The following CFAP47 variants were observed in gnomAD, a reference collection of about 807,000 sequenced individuals.
CFAP47 encodes cilia and flagella associated protein 47.
Under a neutral mutation model 148.1 loss-of-function variants are expected in CFAP47, and 29 were observed. The observed-to-expected ratio is 0.20, with a 90% CI of 0.15 to 0.27. The LOEUF is 0.27. Among genes scored for constraint, CFAP47 ranks in the 10% least tolerant of loss-of-function variants. The probability of loss-of-function intolerance (pLI) is 1.00; values close to 1 mark genes in which losing one functional copy is unlikely to be tolerated. For missense variants in CFAP47, 1,872 were observed against 1,697.5 expected (o/e 1.10, Z -1.81); for synonymous variants, 664 against 577.3 (o/e 1.15, Z -2.15).
intron 42 of CFAP47, among the ~76,000 whole-genome samples, chrX:36,194,906 G>T (rs782634848): frequency 4.5e-5 from 5 of 112,346 alleles, no homozygotes; most frequent in African/African-American, 1.6e-4. Context: ...AGGCAAACTT[G>T]CATAGGGCTG....
intron 27 of CFAP47, among the ~76,000 whole-genome samples, chrX:36,066,838 C>T (rs1469720284): frequency 9.0e-6 from 1 of 111,536 alleles, no homozygotes; most frequent in African/African-American, 3.3e-5. Flanking sequence ...CCAAATCTAA[C>T]AGTAAAATAA....
rs145916600 is a variant in CFAP47, at chrX:36,088,714, C to T, written c.4916+3176C>T. ...CTTATCCTGTGGTATTTTCTTATGG[C>T]AGCTTGAGCTTACCAATATCATATC... On this transcript the variant is annotated intron_variant, in intron 30 of 63. Coordinates refer to ENST00000378653, the MANE Select transcript of CFAP47 (RefSeq NM_001304548.2). Among the ~76,000 whole-genome samples, 126 of 111,625 alleles carry T rather than the reference C, an allele frequency of 1.1e-3. No homozygotes were observed. The East Asian group carries it at 0.019, about 17-fold the overall frequency.
At chrX:35,967,956 T>A (rs1393005205) in intron 10 of CFAP47, 124 bp downstream of exon 10, 1 of 286,341 alleles carries the variant, frequency 3.5e-6, no homozygotes, top group East Asian at 5.6e-5. Context: ...ATAATAATAA[T>A]AATAAAACTG....
chrX:36,068,018 T>C (rs1365725227), intron 27 of CFAP47, among the ~76,000 whole-genome samples: 2 of 111,874 alleles, frequency 1.8e-5, no homozygotes, highest in African/African-American at 6.5e-5. Flanking sequence ...TTCCATAGAA[T>C]ATCATTGCTA....
chrX:36,111,790 A>G (rs1198334840), intron 33 of CFAP47, among the ~76,000 whole-genome samples: 1 of 111,159 alleles, frequency 9.0e-6, no homozygotes, highest in African/African-American at 3.3e-5. Context: ...TTTGGAGCTC[A>G]TTATCGGTTT....
intron 62 of CFAP47, among the ~76,000 whole-genome samples, chrX:36,368,938 T>C (rs1271573899): frequency 2.7e-5 from 3 of 111,509 alleles, no homozygotes; most frequent in African/African-American, 6.5e-5. Flanking sequence ...TCTCCTATGT[T>C]TTAAAACCCA....
intron 57 of CFAP47, among the ~76,000 whole-genome samples, chrX:36,319,640 T>C: frequency 9.0e-6 from 1 of 110,819 alleles, no homozygotes; most frequent in Admixed American, 9.7e-5. Flanking sequence ...AAATAGTGTG[T>C]TAAAACTACT....
chrX:35,944,892 G>A (rs890213065), intron 3 of CFAP47, among the ~76,000 whole-genome samples: 1 of 112,108 alleles, frequency 8.9e-6, no homozygotes, highest in Non-Finnish European at 1.9e-5. Context: ...TTATCAGTGG[G>A]CAAGTCTATA....
intron 45 of CFAP47, among the ~76,000 whole-genome samples, chrX:36,221,094 A>G (rs1940208467): frequency 8.9e-6 from 1 of 111,956 alleles, no homozygotes; most frequent in Admixed American, 9.5e-5. Context: ...TTGGTGAAGG[A>G]AATTGAATTC....
chrX:36,094,799 T>C (rs771142843), intron 30 of CFAP47, among the ~76,000 whole-genome samples: 13 of 111,486 alleles, frequency 1.2e-4, no homozygotes, highest in Admixed American at 3.8e-4. Flanking sequence ...TTTTTCTAAA[T>C]ATGAGATCAT....
chrX:36,060,802 A>G (rs1324682862), intron 26 of CFAP47, among the ~76,000 whole-genome samples: 3 of 111,700 alleles, frequency 2.7e-5, no homozygotes, highest in Non-Finnish European at 5.6e-5. Context: ...GATGGGCTAC[A>G]GCTAACATAT....
intron 3 of CFAP47, among the ~76,000 whole-genome samples, chrX:35,944,580 A>G (rs1414514618): frequency 9.0e-6 from 1 of 111,687 alleles, no homozygotes; most frequent in African/African-American, 3.3e-5. Flanking sequence ...CATAAGAAAT[A>G]GCAATAGCCT....
intron 49 of CFAP47, among the ~76,000 whole-genome samples, chrX:36,254,996 G>A (rs1940733149): frequency 9.0e-6 from 1 of 111,660 alleles, no homozygotes; most frequent in Non-Finnish European, 1.9e-5. Flanking sequence ...ATGTTTGTTG[G>A]TAGAAAGAAA....
chrX:36,078,151 A>G (rs1305298365), intron 29 of CFAP47, among the ~76,000 whole-genome samples: 3 of 112,198 alleles, frequency 2.7e-5, no homozygotes, highest in African/African-American at 9.7e-5. Context: ...AATAAGTGCA[A>G]TGGGGTGCTG....
chrX:36,208,611 A>G (rs1364077910), intron 45 of CFAP47, among the ~76,000 whole-genome samples: 1 of 111,919 alleles, frequency 8.9e-6, no homozygotes, highest in African/African-American at 3.2e-5. Flanking sequence ...TAGCTAAATT[A>G]CTCTTCAGCC....
At chrX:36,070,319 T>A (rs1271768283) in intron 27 of CFAP47, among the ~76,000 whole-genome samples, 2 of 110,717 alleles carry the variant, frequency 1.8e-5, no homozygotes, top group Admixed American at 1.9e-4. Flanking sequence ...GAAGTAGGCA[T>A]GCCAAGTTTT....
intron 40 of CFAP47, among the ~76,000 whole-genome samples, chrX:36,182,698 T>A (rs1939763752): frequency 9.0e-6 from 1 of 111,153 alleles, no homozygotes; most frequent in Non-Finnish European, 1.9e-5. Context: ...ATTGTCTCAA[T>A]AAAATCCTAG....
In CFAP47 at chrX:36,194,521, G is replaced by A. The variant is rs181742079; in HGVS notation, c.6321+4325G>A. 8.1e-4 allele frequency among the ~76,000 whole-genome samples: 91 copies of A among 111,747 alleles called. 2 individuals are homozygous for A. The East Asian group carries it at 0.018, about 22-fold the overall frequency. On this transcript the variant is annotated intron_variant, in intron 42 of 63. Transcript: ENST00000378653. ...TCACACTACTATAAAGAACTACCTG[G>A]ACTGGGTCATGTGTAATGAATGGAG... is the stretch of plus-strand genomic sequence containing the variant.
chrX:36,072,162 A>C (rs953670907), intron 28 of CFAP47, among the ~76,000 whole-genome samples, 191 bp downstream of exon 28: 1 of 112,122 alleles, frequency 8.9e-6, no homozygotes, highest in Non-Finnish European at 1.9e-5. Context: ...GAGATTCTCT[A>C]ATGTTCTTGG....
Sources: gnomAD v4.1 joint callset for allele counts (sites outside exome capture counted in the v4.1 genomes callset) on GRCh38, gnomAD v4.1.1 for gene constraint, MANE v1.5 for transcripts, NCBI Gene and HGNC (gene_info 2026-07-23, HGNC 2026-07-21) for gene names.